Variants in SCAPER observed in about 807,000 individuals in gnomAD.
SCAPER encodes S phase cyclin A-associated protein in the endoplasmic reticulum.
A neutral mutation model predicts 182.2 loss-of-function variants in SCAPER; 98 were observed. The ratio of observed to expected loss-of-function variants is 0.54; its 90% CI spans 0.46 to 0.64. The LOEUF (loss-of-function observed/expected upper bound fraction) is 0.64, where lower values mean the gene tolerates loss of function less well. SCAPER is among the 30% of genes least tolerant of loss of function. SCAPER has a pLI of 0.00. For synonymous variants in SCAPER, 605 were observed against 564.6 expected, an observed-to-expected ratio of 1.07 and a Z score of -1.01; for missense variants, 1,432 against 1,690.0, an observed-to-expected ratio of 0.85 and a Z score of 2.68.
At chr15:76,828,090 C>T (rs2068159225) in intron 5 of SCAPER, among the ~76,000 whole-genome samples, 1 of 152,094 alleles carries the variant, frequency 6.6e-6, no homozygotes, top group Non-Finnish European at 1.5e-5. Context: ...GCCCCCTCAC[C>T]ATGTGATGTC....
chr15:76,615,313 C>T (rs1835363271), intron 22 of SCAPER, among the ~76,000 whole-genome samples: 1 of 151,880 alleles, frequency 6.6e-6, no homozygotes, highest in Non-Finnish European at 1.5e-5. Flanking sequence ...GAGTTGGTGG[C>T]ACACTCCTGT....
chr15:76,702,736 G>A, intron 19 of SCAPER, 114 bp downstream of exon 19: 1 of 1,227,348 alleles, frequency 8.1e-7, no homozygotes, highest in Non-Finnish European at 1.1e-6. Context: ...GGTGTGAGCT[G>A]CCACATCTCG....
chr15:76,573,495 C>T (rs980164551), intron 23 of SCAPER, among the ~76,000 whole-genome samples: 3 of 151,874 alleles, frequency 2.0e-5, no homozygotes, highest in African/African-American at 7.3e-5. Flanking sequence ...AAATATTATA[C>T]ATTATGTAAA....
intron 24 of SCAPER, among the ~76,000 whole-genome samples, chr15:76,479,904 G>C (rs1239377443): frequency 2.0e-5 from 3 of 152,172 alleles, no homozygotes; most frequent in African/African-American, 7.2e-5. Flanking sequence ...TTTAAGTTCT[G>C]GCACAGTAAA....
At chr15:76,499,670 A>G (rs2040920154) in intron 24 of SCAPER, among the ~76,000 whole-genome samples, 2 of 152,332 alleles carry the variant, frequency 1.3e-5, no homozygotes, top group Middle Eastern at 6.8e-3. Flanking sequence ...TAAAGTGCTA[A>G]GCCGAACTAT....
chr15:76,462,466 T>C (rs779776898), intron 25 of SCAPER, among the ~76,000 whole-genome samples: 2 of 152,192 alleles, frequency 1.3e-5, no homozygotes, highest in Non-Finnish European at 2.9e-5. Context: ...TTATACATCT[T>C]CCATATGTGC....
chr15:76,505,492 A>T (rs1179947878), intron 23 of SCAPER, among the ~76,000 whole-genome samples: 1 of 152,212 alleles, frequency 6.6e-6, no homozygotes, highest in African/African-American at 2.4e-5. Context: ...GCATAGGAAA[A>T]GGTGCCCAAC....
chr15:76,798,485 A>G (rs11072626), intron 7 of SCAPER, among the ~76,000 whole-genome samples: 52,554 of 151,260 alleles, frequency 0.35, 9,390 homozygotes, highest in East Asian at 0.55. Flanking sequence ...AAAGGGGCAG[A>G]AAAAAAAACA....
intron 26 of SCAPER, among the ~76,000 whole-genome samples, chr15:76,411,814 T>C (rs1397854942): frequency 6.6e-6 from 1 of 152,222 alleles, no homozygotes; most frequent in Non-Finnish European, 1.5e-5. Context: ...TTAGCCGTTT[T>C]ATTGGATTTG....
chr15:76,435,245 C>A (rs376944134), intron 25 of SCAPER, among the ~76,000 whole-genome samples: 34 of 152,310 alleles, frequency 2.2e-4, no homozygotes, highest in African/African-American at 8.2e-4. Flanking sequence ...TTAAACAGCA[C>A]TATCGACTGC....
chr15:76,544,775 A>C (rs1286743259), intron 23 of SCAPER, among the ~76,000 whole-genome samples: 1 of 152,154 alleles, frequency 6.6e-6, no homozygotes, highest in Non-Finnish European at 1.5e-5. Flanking sequence ...CTATACCAAA[A>C]AACAAAAATT....
intron 26 of SCAPER, among the ~76,000 whole-genome samples, chr15:76,425,506 T>C (rs1272637825): frequency 2.0e-5 from 3 of 152,236 alleles, no homozygotes; most frequent in East Asian, 3.8e-4. Context: ...TTATTCTAGT[T>C]AGCCATTCGT....
intron 20 of SCAPER, among the ~76,000 whole-genome samples, chr15:76,689,849 C>T (rs1178175403): frequency 1.3e-5 from 2 of 151,298 alleles, no homozygotes; most frequent in African/African-American, 4.9e-5. Flanking sequence ...CAAAAACTAA[C>T]TGAAAGAGCT....
chr15:76,712,035 T>C (rs184133602), intron 17 of SCAPER, among the ~76,000 whole-genome samples: 1 of 152,222 alleles, frequency 6.6e-6, no homozygotes, highest in Non-Finnish European at 1.5e-5. Flanking sequence ...TGAATGGTAA[T>C]GCCTAGGTTT....
intron 3 of SCAPER, among the ~76,000 whole-genome samples, chr15:76,859,110 T>C (rs574165857): frequency 6.6e-6 from 1 of 152,354 alleles, no homozygotes; most frequent in African/African-American, 2.4e-5. Flanking sequence ...AGTGTTCCTT[T>C]TTCTCTGCAA....
chr15:76,558,748 T>G (rs781141814), intron 23 of SCAPER, among the ~76,000 whole-genome samples: 1 of 151,962 alleles, frequency 6.6e-6, no homozygotes. Flanking sequence ...CTATTCACAA[T>G]AGCAAAGACA....
intron 22 of SCAPER, among the ~76,000 whole-genome samples, chr15:76,598,423 C>A (rs2049667146): frequency 8.3e-6 from 1 of 120,992 alleles, no homozygotes; most frequent in Non-Finnish European, 2.0e-5. Context: ...ACTAGAAATG[C>A]CATTTGACCC....
In SCAPER at chr15:76,453,023, G is replaced by A. The variant is rs142408789; in HGVS notation, c.3078+18189C>T. On this transcript the variant is annotated intron_variant, in intron 25 of 31. Coordinates refer to ENST00000563290, the MANE Select transcript of SCAPER (RefSeq NM_020843.4). Reference sequence around the variant, plus strand: ...ATTTTTAAAAAATGTTTGTAGTGATGGGGTCTTGCTATGTTGCCCAGGCTG... The same window carrying A: ...ATTTTTAAAAAATGTTTGTAGTGATAGGGTCTTGCTATGTTGCCCAGGCTG... Among the ~76,000 whole-genome samples, 98 of 152,188 alleles carry A rather than the reference G, an allele frequency of 6.4e-4. No individual in the cohort carries two copies. In the East Asian group the frequency reaches 0.018, roughly 29 times the overall value.
At chr15:76,390,616 T>TG (rs2043624250) in intron 27 of SCAPER, among the ~76,000 whole-genome samples, 1 of 152,192 alleles carries the variant, frequency 6.6e-6, no homozygotes. Flanking sequence ...ATCTTGGAAC[T>TG]GCAGGCTGGG....
Sources: gnomAD v4.1 joint callset for allele counts (sites outside exome capture counted in the v4.1 genomes callset) on GRCh38, gnomAD v4.1.1 for gene constraint, MANE v1.5 for transcripts, NCBI Gene and HGNC (gene_info 2026-07-23, HGNC 2026-07-21) for gene names.